Variants in ERCC6 observed in about 807,000 individuals in gnomAD.
The protein encoded by ERCC6 is DNA excision repair protein ERCC-6.
In ERCC6, 116 loss-of-function variants were observed where a neutral mutation model predicts 158.7. That is an observed-to-expected ratio of 0.73 (90% CI 0.63 to 0.85). ERCC6 has a LOEUF of 0.85. ERCC6 is among the 40% of genes least tolerant of loss of function. The pLI, the probability that ERCC6 is intolerant of heterozygous loss-of-function variation, is 0.00. For synonymous variants in ERCC6, 678 were observed against 659.3 expected, an observed-to-expected ratio of 1.03 and a Z score of -0.43; for missense variants, 1,698 against 1,799.4, an observed-to-expected ratio of 0.94 and a Z score of 1.02.
chr10:49,510,818 T>C (rs1312063901), intron 5 of ERCC6, among the ~76,000 whole-genome samples: 9 of 152,168 alleles, frequency 5.9e-5, no homozygotes, highest in Admixed American at 5.9e-4. Flanking sequence ...AAATGGGTTC[T>C]GGAAACTTTC....
At chr10:49,492,822 T>A (rs565141793) in intron 8 of ERCC6, among the ~76,000 whole-genome samples, 36 of 152,320 alleles carry the variant, frequency 2.4e-4, no homozygotes, top group African/African-American at 8.2e-4. Flanking sequence ...CCACCTGACT[T>A]ATGACTCCAA....
chr10:49,459,347 G>T, intron 20 of ERCC6, 113 bp from the exon 21 acceptor site: 1 of 1,150,520 alleles, frequency 8.7e-7, no homozygotes, highest in Non-Finnish European at 1.3e-6. Flanking sequence ...GGGTGGTGAG[G>T]TTGACAGGGT....
At chr10:49,484,054 G>A (rs1337410907) in intron 8 of ERCC6, among the ~76,000 whole-genome samples, 1 of 151,800 alleles carries the variant, frequency 6.6e-6, no homozygotes, top group African/African-American at 2.4e-5. Flanking sequence ...TGAGGTGGGT[G>A]GATTGCTTGA....
intron 1 of ERCC6, among the ~76,000 whole-genome samples, chr10:49,537,502 T>C (rs200500364): frequency 2.4e-3 from 310 of 128,910 alleles, no homozygotes; most frequent in African/African-American, 7.8e-3. Context: ...TATATATATA[T>C]ACACATACAC....
intron 7 of ERCC6, among the ~76,000 whole-genome samples, chr10:49,498,161 A>G (rs1190773726): frequency 2.6e-5 from 4 of 152,200 alleles, no homozygotes; most frequent in South Asian, 4.1e-4. Context: ...CACACATACA[A>G]CACACATTTT....
the ERCC6 span, among the ~76,000 whole-genome samples, chr10:49,441,605 G>C: frequency 7.5e-6 from 1 of 133,662 alleles, no homozygotes; most frequent in African/African-American, 2.7e-5. Context: ...TTAACAAAGC[G>C]TGCTGTCCCC....
Position 49,458,933 on chromosome 10 carries a change from T to C in ERCC6, c.4364A>G (p.Glu1455Gly). The C allele has an allele frequency of 6.2e-7, 1 of 1,614,168 alleles. No individual in the cohort carries two copies. The highest frequency in any genetic ancestry group is 8.5e-7 in the Non-Finnish European group (1 of 1,180,034). The change falls in exon 21 of 21, where the codon GAA becomes GGA. Residue 1455 changes from glutamate (E) to glycine (G), a missense_variant. Glu to Gly is a moderately conservative substitution (Grantham distance 98). Transcript: ENST00000355832. Reference protein sequence around the residue: ...ASTREILQEFESKLSASQSCV... With the variant: ...ASTREILQEFGSKLSASQSCV... ...AGACTGTGATGCAGATAACTTGGAT[T>C]CAAACTCCTGCAGTATCTCCCTGGT...
At chr10:49,462,777 T>C (rs1305751839) in intron 18 of ERCC6, among the ~76,000 whole-genome samples, 1 of 152,220 alleles carries the variant, frequency 6.6e-6, no homozygotes, top group African/African-American at 2.4e-5. Context: ...TAAGATATCC[T>C]TTCTCACCTA....
Position 49,532,676 on chromosome 10 carries a change from C to T in ERCC6, c.289G>A (p.Val97Met), listed in dbSNP as rs1837497957. Residue 97 changes from valine (V) to methionine (M), a missense_variant, in exon 2 of 21, where the codon GTG becomes ATG. Physicochemically the swap from Val to Met is conservative, Grantham distance 21. Coordinates refer to ENST00000355832, the MANE Select transcript of ERCC6 (RefSeq NM_000124.4). Reference sequence around the variant, plus strand: ...AGCACGTCCTGGTCATAGACGTCCACACCCAAACCCTGCAGCTCAAGGGCC... The same window carrying T: ...AGCACGTCCTGGTCATAGACGTCCATACCCAAACCCTGCAGCTCAAGGGCC... ...AQALELQGLGVDVYDQDVLEQ... is the reference protein window; with the variant it reads ...AQALELQGLGMDVYDQDVLEQ... 9 of 1,614,218 alleles carry T rather than the reference C, an allele frequency of 5.6e-6. No individual in the cohort carries two copies. Among genetic ancestry groups the T allele is most frequent in the Non-Finnish European group, 7.6e-6 (9 of 1,180,050 alleles).
intron 4 of ERCC6, chr10:49,525,363 C>G (rs1837290333): frequency 6.2e-6 from 1 of 161,702 alleles, no homozygotes; most frequent in Admixed American, 5.9e-5. Flanking sequence ...TTCAAGTGCT[C>G]AAGAGCTACA....
chr10:49,479,353 T>A (rs1397796556), intron 10 of ERCC6, among the ~76,000 whole-genome samples: 1 of 152,126 alleles, frequency 6.6e-6, no homozygotes, highest in Non-Finnish European at 1.5e-5. Flanking sequence ...ATTAACTTGT[T>A]AAAAAATGTT....
At chr10:49,474,362 G>GT in intron 12 of ERCC6, 120 bp from the exon 13 acceptor site, 1 of 750,732 alleles carries the variant, frequency 1.3e-6, no homozygotes, top group Non-Finnish European at 2.3e-6. Context: ...CAGCTTCTTA[G>GT]TTTCTTCTCT....
intron 18 of ERCC6, among the ~76,000 whole-genome samples, chr10:49,467,136 G>GGTAGACATTTGATTTCTA (rs1850692221): frequency 6.6e-6 from 1 of 152,122 alleles, no homozygotes; most frequent in Non-Finnish European, 1.5e-5. Flanking sequence ...TTTACTTGTT[G>GGTAGACATTTGATTTCTA]GTAGACATTT....
Position 49,470,814 on chromosome 10 carries a change from T to C in ERCC6, c.3146A>G (p.Asp1049Gly), listed in dbSNP as rs1363312693. 6.2e-7 allele frequency: 1 copy of C among 1,614,072 alleles called. No homozygotes were observed. Among genetic ancestry groups the C allele is most frequent in the East Asian group, 2.2e-5 (1 of 44,892 alleles). ...AGGGAACTTCTTGCGTTTTGGAACA[T>C]CATGGTCTGCTCCAAAGGCTGGTTG... ...RIQPAFGADH[D>G]VPKRKKFPAS... is the part of the protein sequence containing the mutation. Residue 1049 changes from aspartate to glycine, a missense_variant, in exon 18 of 21, where the codon GAT becomes GGT. Physicochemically the swap from Asp to Gly is moderately conservative, Grantham distance 94 (BLOSUM62 -1). Coordinates refer to ENST00000355832, the MANE Select transcript of ERCC6 (RefSeq NM_000124.4).
intron 12 of ERCC6, among the ~76,000 whole-genome samples, chr10:49,474,681 T>C (rs1488198188): frequency 6.6e-6 from 1 of 152,138 alleles, no homozygotes; most frequent in Non-Finnish European, 1.5e-5. Context: ...ATTACCTCAC[T>C]AAAAGTTCTG....
At chr10:49,442,986 G>T in the ERCC6 span, among the ~76,000 whole-genome samples, 2 of 152,158 alleles carry the variant, frequency 1.3e-5, no homozygotes, top group Non-Finnish European at 2.9e-5. Context: ...TCTGTCTGCA[G>T]ATAGAGTGAT....
chr10:49,482,647 A>G (rs1220801819), intron 10 of ERCC6, 40 bp downstream of exon 10: 1 of 1,583,990 alleles, frequency 6.3e-7, no homozygotes, highest in East Asian at 2.2e-5. Flanking sequence ...AGCACTTTAA[A>G]TATTAAAATG....
At chr10:49,489,449 C>T (rs1203517832) in intron 8 of ERCC6, among the ~76,000 whole-genome samples, 2 of 152,164 alleles carry the variant, frequency 1.3e-5, no homozygotes, top group African/African-American at 4.8e-5. Context: ...TCAAATCAGG[C>T]TCAGGAAGGC....
intron 20 of ERCC6, among the ~76,000 whole-genome samples, chr10:49,459,496 T>C (rs1850539710): frequency 6.6e-6 from 1 of 152,068 alleles, no homozygotes; most frequent in Non-Finnish European, 1.5e-5. Flanking sequence ...CCACTCAACA[T>C]GGTGGTGGAC....
Sources: gnomAD v4.1 joint callset for allele counts (sites outside exome capture counted in the v4.1 genomes callset) on GRCh38, gnomAD v4.1.1 for gene constraint, MANE v1.5 for transcripts, NCBI Gene and HGNC (gene_info 2026-07-23, HGNC 2026-07-21) for gene names.